The following GPATCH8 variants were observed in gnomAD, a reference collection of about 807,000 sequenced individuals.
GPATCH8 encodes the protein G-patch domain containing 8.
In GPATCH8, 18 loss-of-function variants were observed where a neutral mutation model predicts 118.3. The ratio of observed to expected loss-of-function variants is 0.15; its 90% CI spans 0.11 to 0.23. GPATCH8 has a LOEUF of 0.23. Ranked by LOEUF, GPATCH8 falls within the 10% of genes least tolerant of loss-of-function variation. The pLI is 1.00. For synonymous variants in GPATCH8, 659 were observed against 684.7 expected (o/e 0.96, Z 0.59); for missense variants, 1,631 against 1,873.8 (o/e 0.87, Z 2.39).
rs368133857 is a variant in GPATCH8 at position 44,395,804 on chromosome 17, C to T, written c.*1764G>A. On this transcript the variant is annotated 3_prime_UTR_variant, in exon 8 of 8. Coordinates refer to ENST00000591680, the MANE Select transcript of GPATCH8 (RefSeq NM_001002909.4). ...GTGACCAACCAACCAATTCTAGCCA[C>T]ACGAATAGTTAGGAAAATGCCAAAG... 1 of 453,986 alleles carries T rather than the reference C, an allele frequency of 2.2e-6. No individual in the cohort carries two copies. The highest frequency in any genetic ancestry group is 6.9e-5 in the East Asian group (1 of 14,412). The allele number at this position is 453,986 out of a possible 1,614,324, so 28.1% of individuals were successfully genotyped here.
chr17:44,419,254 T>C (rs2049804437), intron 6 of GPATCH8, among the ~76,000 whole-genome samples: 1 of 152,250 alleles, frequency 6.6e-6, no homozygotes, highest in Admixed American at 6.5e-5. Flanking sequence ...GGATTGCTAA[T>C]ACAGGGTTGA....
At chr17:44,413,528 C>G (rs1360342890) in intron 6 of GPATCH8, among the ~76,000 whole-genome samples, 1 of 152,082 alleles carries the variant, frequency 6.6e-6, no homozygotes, top group Non-Finnish European at 1.5e-5. Flanking sequence ...GTAGCCCAGG[C>G]TGGAGTGCAG....
intron 3 of GPATCH8, among the ~76,000 whole-genome samples, chr17:44,437,309 A>AT (rs1008075900): frequency 7.9e-5 from 12 of 152,190 alleles, no homozygotes; most frequent in East Asian, 7.7e-4. Flanking sequence ...ATGCTGGATA[A>AT]TTTTTTTAAT....
chr17:44,473,135 ATTT>A, intron 2 of GPATCH8, among the ~76,000 whole-genome samples: 1 of 134,746 alleles, frequency 7.4e-6, no homozygotes, highest in Admixed American at 7.5e-5. Flanking sequence ...CAAACCAGTG[ATTT>A]TTTTTTTTTT....
In GPATCH8 at chr17:44,396,829, T is replaced by A. The variant is rs184802403; in HGVS notation, c.*739A>T. 8.7e-4 allele frequency: 397 copies of A among 454,412 alleles called. 1 individual carries two copies. The Middle Eastern group carries it at 0.012, about 13-fold the overall frequency. 28.1% of individuals were successfully genotyped at this position (454,412 alleles called of 1,614,324 possible). ...AACATCAACACAACAGAAGAAAATATACCCTTCACTTTAGACACATGAGCT... is the reference window on the plus strand; with the variant it reads ...AACATCAACACAACAGAAGAAAATAAACCCTTCACTTTAGACACATGAGCT... On this transcript the variant is annotated 3_prime_UTR_variant, in exon 8 of 8. Coordinates refer to ENST00000591680, the MANE Select transcript of GPATCH8 (RefSeq NM_001002909.4).
chr17:44,431,943 GA>G (rs1010923381), intron 5 of GPATCH8, among the ~76,000 whole-genome samples: 6 of 151,972 alleles, frequency 3.9e-5, no homozygotes, highest in Non-Finnish European at 8.8e-5. Context: ...TTAGAGATGA[GA>G]GAGTGATGAA....
intron 2 of GPATCH8, chr17:44,464,947 A>C: frequency 5.7e-6 from 1 of 175,300 alleles, no homozygotes; most frequent in Non-Finnish European, 1.2e-5. Flanking sequence ...TTTTTTTTTT[A>C]AAGAAAATCT....
At chr17:44,412,336 T>G (rs945606249) in intron 6 of GPATCH8, among the ~76,000 whole-genome samples, 1 of 152,154 alleles carries the variant, frequency 6.6e-6, no homozygotes, top group Non-Finnish European at 1.5e-5. Context: ...GAGCTATGAT[T>G]GTGCCACTGC....
At chr17:44,440,228 A>G (rs903278027) in intron 3 of GPATCH8, among the ~76,000 whole-genome samples, 2 of 152,208 alleles carry the variant, frequency 1.3e-5, no homozygotes, top group Admixed American at 6.5e-5. Context: ...CCAGAACACT[A>G]AATAATCTCC....
rs761030239 is a variant in GPATCH8 at position 44,400,086 on chromosome 17, C to G, written c.1991G>C (p.Ser664Thr). Residue 664 changes from serine to threonine, a missense_variant, in exon 8 of 8, where the codon AGC (serine) becomes ACC (threonine). This residue lies in a region of GPATCH8 where 922 missense variants were observed against 879.7 expected (regional missense o/e 1.05). Transcript: ENST00000591680. ...GGACTTCCCAGATCGTTCTTTCTTGCTGGGAAGGCTTCTCCCTGTGTCTTC... is the reference window on the plus strand; with the variant it reads ...GGACTTCCCAGATCGTTCTTTCTTGGTGGGAAGGCTTCTCCCTGTGTCTTC... ...ETEDTGRSLP[S>T]KKERSGKSHR... The G allele has an allele frequency of 3.1e-6, 5 of 1,613,906 alleles. No individual in the cohort carries two copies. Among genetic ancestry groups the G allele is most frequent in the Non-Finnish European group, 4.2e-6 (5 of 1,180,042 alleles).
chr17:44,400,141 C>T lies in GPATCH8; in HGVS notation c.1936G>A (p.Glu646Lys), dbSNP rs1567932292. ...GSACSGLNKQ[E>K]PGGSHGSETE... ...TCAGACCCATGGCTACCCCCAGGCTCCTGCTTGTTCAGGCCGCTACAGGCA... is the reference window on the plus strand; with the variant it reads ...TCAGACCCATGGCTACCCCCAGGCTTCTGCTTGTTCAGGCCGCTACAGGCA... Residue 646 changes from glutamate (E) to lysine (K), a missense_variant, in exon 8 of 8, where the codon GAG becomes AAG. Glu to Lys is a moderately conservative substitution (Grantham distance 56). Coordinates refer to ENST00000591680, the MANE Select transcript of GPATCH8 (RefSeq NM_001002909.4). The T allele has an allele frequency of 1.3e-5, 21 of 1,614,058 alleles. No homozygotes were observed. Among genetic ancestry groups the T allele is most frequent in the East Asian group, 2.2e-5 (1 of 44,850 alleles).
At chr17:44,463,350 C>T (rs1198355971) in intron 3 of GPATCH8, among the ~76,000 whole-genome samples, 1 of 152,178 alleles carries the variant, frequency 6.6e-6, no homozygotes, top group Non-Finnish European at 1.5e-5. Context: ...CAATAAGCTC[C>T]CGCATGACCA....
chr17:44,495,193 G>A (rs1322955856), intron 1 of GPATCH8, among the ~76,000 whole-genome samples: 1 of 152,080 alleles, frequency 6.6e-6, no homozygotes, highest in African/African-American at 2.4e-5. Flanking sequence ...AATTAGCCAG[G>A]CGTGGTAGTG....
rs540302167 is a variant in GPATCH8, at chr17:44,396,206, G to C, written c.*1362C>G. 7 of 454,460 alleles carry C rather than the reference G, an allele frequency of 1.5e-5. No individual in the cohort carries two copies. Among genetic ancestry groups the C allele is most frequent in the South Asian group, 7.8e-5 (5 of 64,462 alleles). The allele number at this position is 454,460 out of a possible 1,614,324, so 28.2% of individuals were successfully genotyped here. A position where few individuals can be genotyped will look rare whatever the true frequency, so the allele number is the denominator to read the frequency against. ...GGAAGGCAAATGGACTGACTGCCTG[G>C]AACAAGGTACCCAGGGAAACCCAGG... On this transcript the variant is annotated 3_prime_UTR_variant, in exon 8 of 8. Coordinates refer to ENST00000591680, the MANE Select transcript of GPATCH8 (RefSeq NM_001002909.4).
intron 1 of GPATCH8, among the ~76,000 whole-genome samples, chr17:44,483,578 TC>T (rs971746669): frequency 5.9e-5 from 9 of 151,982 alleles, no homozygotes; most frequent in African/African-American, 1.9e-4. Context: ...TGCATTTTTT[TC>T]TTTTGAATTT....
At chr17:44,481,015 T>C (rs1358704580) in intron 1 of GPATCH8, among the ~76,000 whole-genome samples, 1 of 152,160 alleles carries the variant, frequency 6.6e-6, no homozygotes, top group Non-Finnish European at 1.5e-5. Flanking sequence ...GCTTAAGCAA[T>C]CCTTCCCATT....
At chr17:44,469,921 T>C (rs923535853) in intron 2 of GPATCH8, among the ~76,000 whole-genome samples, 1 of 152,212 alleles carries the variant, frequency 6.6e-6, no homozygotes, top group African/African-American at 2.4e-5. Flanking sequence ...TCCACAGATC[T>C]AGACAGATAT....
At chr17:44,485,199 G>A (rs952810285) in intron 1 of GPATCH8, among the ~76,000 whole-genome samples, 2 of 152,040 alleles carry the variant, frequency 1.3e-5, no homozygotes, top group African/African-American at 4.8e-5. Flanking sequence ...CACCTCCTGG[G>A]CTCAAGTGAT....
Position 44,398,520 on chromosome 17 carries a change from T to C in GPATCH8, c.3557A>G (p.Asp1186Gly), listed in dbSNP as rs1202650945. The change falls in exon 8 of 8, where the codon GAT (aspartate) becomes GGT (glycine). Residue 1186 changes from aspartate (D) to glycine (G), a missense_variant. Asp to Gly is a moderately conservative substitution (Grantham distance 94). Coordinates refer to ENST00000591680, the MANE Select transcript of GPATCH8 (RefSeq NM_001002909.4). The stretch of plus-strand genomic sequence containing the variant: ...AGGGAACTGATGCCCAAATAGGGCA[T>C]CACTACTCCCTGGGGGCCCCTCTTC... ...ETEEGPPGSS[D>G]ALFGHQFPSE... 4 of 1,599,462 alleles carry C rather than the reference T, an allele frequency of 2.5e-6. No individual in the cohort carries two copies. Among genetic ancestry groups the C allele is most frequent in the Non-Finnish European group, 3.4e-6 (4 of 1,173,570 alleles).
Sources: gnomAD v4.1 joint callset for allele counts (sites outside exome capture counted in the v4.1 genomes callset) on GRCh38, gnomAD v4.1.1 for gene constraint, gnomAD v4.1.1 regional missense constraint, MANE v1.5 for transcripts, NCBI Gene and HGNC (gene_info 2026-07-23, HGNC 2026-07-21) for gene names.